The following LMTK3 variants were observed in gnomAD, a reference collection of about 807,000 sequenced individuals.
LMTK3 encodes lemur tail kinase 3.
In LMTK3, 27 loss-of-function variants were observed where a neutral mutation model predicts 116.7. The observed-to-expected ratio is 0.23, with a 90% CI of 0.17 to 0.32. LMTK3 has a LOEUF of 0.32. Ranked by LOEUF, LMTK3 falls within the 10% of genes least tolerant of loss-of-function variation. The pLI, the probability that LMTK3 is intolerant of heterozygous loss-of-function variation, is 1.00. For synonymous variants in LMTK3, 965 were observed against 971.0 expected, an observed-to-expected ratio of 0.99 and a Z score of 0.11; for missense variants, 1,764 against 2,068.5, an observed-to-expected ratio of 0.85 and a Z score of 2.86.
chr19:48,505,817 C>T (rs143067788), intron 5 of LMTK3, among the ~76,000 whole-genome samples: 3,141 of 149,718 alleles, frequency 0.021, 110 homozygotes, highest in African/African-American at 0.073. Context: ...GCTGAGGCCC[C>T]GCCATTGCAC....
Position 48,491,071 on chromosome 19 carries a change from A to G in LMTK3, c.4366+37T>C. On this transcript the variant is annotated intron_variant, in intron 14 of 14. Transcript: ENST00000600059. This position sits in a 1 kb window ranked among gnomAD's most constrained non-coding sequence, Gnocchi z 5.1. Reference sequence around the variant, plus strand: ...GGCAGTGGAACATAGGGGGACAGAGATGGGCAGAGGAGGGGGCAGGGCCGA... The same window carrying G: ...GGCAGTGGAACATAGGGGGACAGAGGTGGGCAGAGGAGGGGGCAGGGCCGA... The G allele has an allele frequency of 7.7e-7, 1 of 1,299,244 alleles. No homozygotes were observed. The highest frequency in any genetic ancestry group is 9.8e-7 in the Non-Finnish European group (1 of 1,017,308). 80.5% of individuals were successfully genotyped at this position (1,299,244 alleles called of 1,614,324 possible). A position where few individuals can be genotyped will look rare whatever the true frequency, so the allele number is the denominator to read the frequency against.
At chr19:48,506,795 G>A (rs1972578440) in intron 5 of LMTK3, among the ~76,000 whole-genome samples, 1 of 152,176 alleles carries the variant, frequency 6.6e-6, no homozygotes, top group African/African-American at 2.4e-5. Context: ...CTCCTGAGTA[G>A]CTGGGATTAC....
At chr19:48,496,542 G>A (rs150738664) in intron 11 of LMTK3, among the ~76,000 whole-genome samples, 2,913 of 151,584 alleles carry the variant, frequency 0.019, 93 homozygotes, top group African/African-American at 0.066. Flanking sequence ...CAGGTGATCC[G>A]CCCACCTCGG....
intron 5 of LMTK3, among the ~76,000 whole-genome samples, chr19:48,507,412 C>T (rs1017449266): frequency 4.6e-5 from 7 of 152,104 alleles, no homozygotes; most frequent in Admixed American, 4.6e-4. Context: ...GCTCGGGTAA[C>T]GAGACAGACC....
At chr19:48,509,716 C>T (rs1972626278) in intron 3 of LMTK3, among the ~76,000 whole-genome samples, 1 of 152,178 alleles carries the variant, frequency 6.6e-6, no homozygotes, top group East Asian at 1.9e-4. Context: ...CTTTTGGCAT[C>T]CCAAGCTCCT....
chr19:48,488,387 T>C (rs1972161142), intron 14 of LMTK3, among the ~76,000 whole-genome samples: 1 of 151,940 alleles, frequency 6.6e-6, no homozygotes, highest in Admixed American at 6.6e-5. Flanking sequence ...TCCTCAGCCT[T>C]TCCCCAGCCT....
rs868779936 is a variant in LMTK3, at chr19:48,511,540, C to T, written c.37G>A (p.Val13Ile). The change falls in exon 1 of 15, where the codon GTC becomes ATC. Residue 13 changes from valine (V) to isoleucine (I), a missense_variant. Val to Ile is a conservative substitution (Grantham distance 29). Transcript: ENST00000600059. ...GACGCCAGGCAGCCGGAGGCGGAGA[C>T]GGCCGCAAGGAGGATGAGGGCGCCG... ...APGALILLAA[V>I]SASGCLASPA... 3 of 1,425,656 alleles carry T rather than the reference C, an allele frequency of 2.1e-6. No individual in the cohort carries two copies. In the South Asian group the frequency reaches 4.5e-5, roughly 21 times the overall value. 88.3% of individuals were successfully genotyped at this position (1,425,656 alleles called of 1,614,324 possible).
rs1483888660 is a variant in LMTK3, at chr19:48,491,366, G to GCTCCCGCCCC, written c.4228+28_4228+37dup. 7 of 1,352,108 alleles carry GCTCCCGCCCC rather than the reference G, an allele frequency of 5.2e-6. No individual in the cohort carries two copies. Among genetic ancestry groups the GCTCCCGCCCC allele is most frequent in the African/African-American group, 1.5e-5 (1 of 64,932 alleles). The allele number at this position is 1,352,108 out of a possible 1,614,324, so 83.8% of individuals were successfully genotyped here. On this transcript the variant is annotated intron_variant, in intron 13 of 14. Coordinates refer to ENST00000600059, the MANE Select transcript of LMTK3 (RefSeq NM_001388485.1). The surrounding 1 kb of genome is among the most constrained non-coding windows in gnomAD (Gnocchi z 5.1). ...TAGACCCCGCCCCGTCCGCCCCATG[G>GCTCCCGCCCC]CTCCCGCCCCCTCCCGCCCCATAGG...
chr19:48,502,213 C>G (rs1166461411), intron 7 of LMTK3, among the ~76,000 whole-genome samples: 1 of 147,650 alleles, frequency 6.8e-6, no homozygotes, highest in East Asian at 2.0e-4. Flanking sequence ...TGGCCCTTCC[C>G]CTCATCACCT....
At chr19:48,509,272 G>T (rs1040960444) in intron 4 of LMTK3, among the ~76,000 whole-genome samples, 165 bp downstream of exon 4, 7 of 152,030 alleles carry the variant, frequency 4.6e-5, no homozygotes, top group African/African-American at 1.7e-4. Flanking sequence ...GGGATGGGGC[G>T]GGTGGGAGCC....
upstream of LMTK3, among the ~76,000 whole-genome samples, chr19:48,512,668 T>C (rs1292337807): frequency 6.6e-6 from 1 of 151,042 alleles, no homozygotes; most frequent in East Asian, 2.0e-4. Context: ...AGAAACATAA[T>C]ACATGCATGT....
Position 48,510,742 on chromosome 19 carries a change from A to T in LMTK3, c.77-150T>A, listed in dbSNP as rs1972644352. 2.2e-5 allele frequency: 20 copies of T among 919,176 alleles called. No homozygotes were observed. In the South Asian group the frequency reaches 4.1e-4, roughly 19 times the overall value. The allele number at this position is 919,176 out of a possible 1,614,324, so 56.9% of individuals were successfully genotyped here. ...GCAGAGGTGCAGAGTGGCCCAAGGC[A>T]TTGTGGGAGTTGTAGTTTGGGGCCT... On this transcript the variant is annotated intron_variant, in intron 1 of 14. Transcript: ENST00000600059.
chr19:48,491,462 C>CG lies in LMTK3; in HGVS notation c.4169dup (p.Thr1391AspfsTer149). On this transcript the variant is annotated frameshift_variant, in exon 13 of 15. Transcript: ENST00000600059. LOFTEE classifies it high-confidence loss of function. The surrounding 1 kb of genome is among the most constrained non-coding windows in gnomAD (Gnocchi z 5.1). The stretch of plus-strand genomic sequence containing the variant: ...CGGGGGTGGCGGGGTGGGGAGGTGT[C>CG]GGGGGCGCTGGAGGCGTTGACGGGT... 1 of 1,414,756 alleles carries CG rather than the reference C, an allele frequency of 7.1e-7. No homozygotes were observed. Among genetic ancestry groups the CG allele is most frequent in the Non-Finnish European group, 9.2e-7 (1 of 1,084,474 alleles). 87.6% of individuals were successfully genotyped at this position (1,414,756 alleles called of 1,614,324 possible). A position where few individuals can be genotyped will look rare whatever the true frequency, so the allele number is the denominator to read the frequency against.
At position 48,494,517 on chromosome 19, in the gene LMTK3, GACGGGGTTTC is replaced by G. The variant is rs1481197828; in HGVS notation, c.3677-418_3677-409del. Among the ~76,000 whole-genome samples, 4 of 152,170 alleles carry G rather than the reference GACGGGGTTTC, an allele frequency of 2.6e-5. No individual in the cohort carries two copies. The highest frequency in any genetic ancestry group is 6.5e-5 in the Admixed American group (1 of 15,268). On this transcript the variant is annotated intron_variant, in intron 11 of 14. Transcript: ENST00000600059. The surrounding 1 kb of genome is among the most constrained non-coding windows in gnomAD (Gnocchi z 4.0). ...GCTAATTTTTTGTATTTTTAGTAGA[GACGGGGTTTC>G]ACCATGCTGGCCAGGCTGGTCTTGA...
chr19:48,486,858 T>C (rs1166269962), intron 14 of LMTK3, among the ~76,000 whole-genome samples: 1 of 151,740 alleles, frequency 6.6e-6, no homozygotes, highest in Non-Finnish European at 1.5e-5. Flanking sequence ...TGTTTGTTTT[T>C]TGGGGGGGTT....
upstream of LMTK3, among the ~76,000 whole-genome samples, chr19:48,512,982 A>C (rs1240807465): frequency 6.6e-6 from 1 of 152,130 alleles, no homozygotes; most frequent in Non-Finnish European, 1.5e-5. Context: ...TCACAAATAC[A>C]CACACCTTTC....
At position 48,498,801 on chromosome 19, in the gene LMTK3, C is replaced by CGGGGGGGGGGGGGGG. The variant is rs757900513; in HGVS notation, c.2267_2268insCCCCCCCCCCCCCCC (p.Pro756_Pro760dup). On this transcript the variant is annotated inframe_insertion, in exon 11 of 15. Coordinates refer to ENST00000600059, the MANE Select transcript of LMTK3 (RefSeq NM_001388485.1). The stretch of plus-strand genomic sequence containing the variant: ...CCGCGGGGGCCCGAGGAGGTGGCGG[C>CGGGGGGGGGGGGGGG]GGGGGGGGGGGAGCGGGAGGTGGCC... The CGGGGGGGGGGGGGGG allele has an allele frequency of 3.0e-5, 9 of 298,298 alleles. No individual in the cohort carries two copies. The South Asian group carries it at 3.6e-4, about 12-fold the overall frequency. The allele number at this position is 298,298 out of a possible 1,614,324, so 18.5% of individuals were successfully genotyped here.
upstream of LMTK3, chr19:48,513,434 G>C (rs375706292): frequency 5.0e-4 from 270 of 543,236 alleles, no homozygotes; most frequent in African/African-American, 4.3e-3. This position sits in a 1 kb window ranked among gnomAD's most constrained non-coding sequence, Gnocchi z 5.6. Context: ...ACTGGAACCC[G>C]GTCCATCGGG....
Position 48,502,545 on chromosome 19 carries a change from G to A in LMTK3, c.682C>T (p.Pro228Ser). ...GGTAGCTCAGGGGACAGGCCCTCGG[G>A]GGGCCGCTGGGCTCGGAGGTAACGC... Reference protein sequence around the residue: ...LKRYLRAQRPPEGLSPELPPR... With the variant: ...LKRYLRAQRPSEGLSPELPPR... The change falls in exon 7 of 15, where the codon CCC becomes TCC. Residue 228 changes from proline to serine, a missense_variant. Coordinates refer to ENST00000600059, the MANE Select transcript of LMTK3 (RefSeq NM_001388485.1). 1 of 1,583,478 alleles carries A rather than the reference G, an allele frequency of 6.3e-7. No individual in the cohort carries two copies.
Sources: allele counts gnomAD v4.1 joint callset (sites outside exome capture counted in the v4.1 genomes callset), GRCh38; gene constraint gnomAD v4.1.1; non-coding constraint Gnocchi (gnomAD v3.1); transcripts MANE v1.5; gene names NCBI Gene and HGNC (gene_info 2026-07-23, HGNC 2026-07-21).